The following ZNF454 variants were observed in gnomAD, a reference collection of about 807,000 sequenced individuals.
ZNF454 encodes zinc finger protein 454.
In ZNF454, 30 loss-of-function variants were observed where a neutral mutation model predicts 48.2. That is an observed-to-expected ratio of 0.62 (90% CI 0.47 to 0.84). The LOEUF is 0.84. Among genes scored for constraint, ZNF454 ranks in the 40% least tolerant of loss-of-function variants. The pLI is 0.00. For missense variants in ZNF454, 510 were observed against 623.1 expected (o/e 0.82, Z 1.93); for synonymous variants, 204 against 211.4 (o/e 0.97, Z 0.30).
chr5:178,987,042 G>A, the ZNF454 span: 327 of 1,558,638 alleles, frequency 2.1e-4, no homozygotes, highest in Admixed American at 3.7e-4. Flanking sequence ...TGGCCTCCTG[G>A]GGAGGCCCCA....
chr5:178,989,505 AG>A, the ZNF454 span: 1 of 1,471,562 alleles, frequency 6.8e-7, no homozygotes, highest in South Asian at 1.1e-5. Context: ...AGGAGTGGCC[AG>A]GTGAGCTAGG....
the ZNF454 span, among the ~76,000 whole-genome samples, chr5:178,973,575 G>A: frequency 6.6e-6 from 1 of 152,178 alleles, no homozygotes; most frequent in Admixed American, 6.5e-5. Context: ...CGGGCGCAGT[G>A]GCTCACGCCT....
At chr5:178,985,518 A>C in the ZNF454 span, 3 of 339,620 alleles carry the variant, frequency 8.8e-6, no homozygotes, top group Non-Finnish European at 1.7e-5. Context: ...CCTGGCTAAC[A>C]CGGTGAAGCC....
chr5:178,985,617 G>A, the ZNF454 span: 1 of 361,838 alleles, frequency 2.8e-6, no homozygotes. Flanking sequence ...GCAGGAGAAT[G>A]GCGTGAACCC....
At chr5:178,952,497 A>G (rs1240899885) in intron 4 of ZNF454, among the ~76,000 whole-genome samples, 1 of 152,200 alleles carries the variant, frequency 6.6e-6, no homozygotes, top group Non-Finnish European at 1.5e-5. Context: ...AATGTCCGTT[A>G]TCTTCTCCAG....
At chr5:178,986,132 G>T in the ZNF454 span, 3 of 1,613,110 alleles carry the variant, frequency 1.9e-6, no homozygotes, top group Non-Finnish European at 2.5e-6. Context: ...GGACCCACCT[G>T]CAGGGAGGTG....
the ZNF454 span, among the ~76,000 whole-genome samples, chr5:178,984,878 C>T: frequency 6.6e-6 from 1 of 152,132 alleles, no homozygotes; most frequent in Non-Finnish European, 1.5e-5. Flanking sequence ...CTCCACCTGG[C>T]CCTGAGAACC....
the ZNF454 span, chr5:178,977,312 T>C: frequency 4.7e-6 from 2 of 429,384 alleles, no homozygotes; most frequent in African/African-American, 4.1e-5. Context: ...TTAGAGCCCT[T>C]ATAAAAGAGA....
downstream of ZNF454, among the ~76,000 whole-genome samples, chr5:178,970,993 G>A (rs929204255): frequency 6.6e-6 from 1 of 152,144 alleles, no homozygotes; most frequent in Non-Finnish European, 1.5e-5. Context: ...CCATCACCGG[G>A]GCCAGCAGTT....
rs564799233 is a variant in ZNF454 at position 178,946,675 on chromosome 5, G to A, written c.160+190G>A. Among the ~76,000 whole-genome samples the A allele has an allele frequency of 6.6e-6, 1 of 152,310 alleles. No homozygotes were observed. Among genetic ancestry groups the A allele is most frequent in the South Asian group, 2.1e-4 (1 of 4,830 alleles). ...AGTCCACTGCGGATGCCTCAAAAGT[G>A]ACTAGGGTCAAATGCTTTCTTTCTG... On this transcript the variant is annotated intron_variant, in intron 3 of 4. Transcript: ENST00000519564. The surrounding 1 kb of genome is among the most constrained non-coding windows in gnomAD (Gnocchi z 4.5).
At chr5:178,959,057 T>C (rs1759893432) in intron 4 of ZNF454, among the ~76,000 whole-genome samples, 1 of 152,026 alleles carries the variant, frequency 6.6e-6, no homozygotes, top group Non-Finnish European at 1.5e-5. Context: ...TTAACGCTTG[T>C]TGTGTTCTAT....
chr5:178,949,396 T>G (rs1759469680), intron 4 of ZNF454, among the ~76,000 whole-genome samples: 1 of 152,000 alleles, frequency 6.6e-6, no homozygotes, highest in South Asian at 2.1e-4. Context: ...ACTCTGGACT[T>G]CAATCCTCCT....
the ZNF454 span, chr5:178,988,984 G>A: frequency 6.2e-7 from 1 of 1,614,036 alleles, no homozygotes. This position sits in a 1 kb window ranked among gnomAD's most constrained non-coding sequence, Gnocchi z 6.0. Context: ...GCCCATCAGT[G>A]GGTTCCATCG....
At chr5:178,985,329 G>C in the ZNF454 span, 14 of 452,766 alleles carry the variant, frequency 3.1e-5, no homozygotes, top group South Asian at 2.2e-4. Flanking sequence ...TTTCCTTCAA[G>C]GACCCAGCAG....
At chr5:178,985,592 A>G in the ZNF454 span, 43 of 347,964 alleles carry the variant, frequency 1.2e-4, no homozygotes, top group Admixed American at 3.1e-4. Context: ...AGTCCCAGCT[A>G]CTCGGGAGGC....
the ZNF454 span, among the ~76,000 whole-genome samples, chr5:178,987,661 G>A: frequency 6.6e-6 from 1 of 152,186 alleles, no homozygotes; most frequent in Non-Finnish European, 1.5e-5. Context: ...GCGGGAGGAG[G>A]GGATGGGGAA....
In ZNF454 at chr5:178,944,442, T is replaced by C. The variant is rs1278972786; in HGVS notation, c.33+1618T>C. On this transcript the variant is annotated intron_variant, in intron 2 of 4. Transcript: ENST00000519564. This position sits in a 1 kb window ranked among gnomAD's most constrained non-coding sequence, Gnocchi z 4.1. ...TGGTTGCCATTCAGCAGACATATGT[T>C]AGGGCTGTAAAATGTGCCAGGAATT... Among the ~76,000 whole-genome samples, 3 of 152,238 alleles carry C rather than the reference T, an allele frequency of 2.0e-5. No homozygotes were observed. The highest frequency in any genetic ancestry group is 7.2e-5 in the African/African-American group (3 of 41,466).
At chr5:178,964,190 G>A (rs919536541) in intron 4 of ZNF454, among the ~76,000 whole-genome samples, 60 of 151,156 alleles carry the variant, frequency 4.0e-4, no homozygotes, top group African/African-American at 1.3e-3. Flanking sequence ...GCGCGATCTC[G>A]GCTCACTGCA....
chr5:178,968,105 T>TCACACACACACACACACACA (rs3031585), downstream of ZNF454, among the ~76,000 whole-genome samples: 64 of 145,086 alleles, frequency 4.4e-4, no homozygotes, highest in East Asian at 3.1e-3. Flanking sequence ...CATCTGTGCA[T>TCACACACACACACACACACA]CACACACACA....
Sources: allele counts gnomAD v4.1 joint callset (sites outside exome capture counted in the v4.1 genomes callset), GRCh38; gene constraint gnomAD v4.1.1; non-coding constraint Gnocchi (gnomAD v3.1); transcripts MANE v1.5; gene names NCBI Gene and HGNC (gene_info 2026-07-23, HGNC 2026-07-21).